LRRC4C: variants seen among roughly 807,000 people sequenced by gnomAD.
LRRC4C encodes leucine rich repeat containing 4C, also known as leucine-rich repeat-containing protein 4C.
Under a neutral mutation model 33.6 loss-of-function variants are expected in LRRC4C, and 5 were observed. The ratio of observed to expected loss-of-function variants is 0.15; its 90% CI spans 0.08 to 0.31. The LOEUF (loss-of-function observed/expected upper bound fraction) is 0.31. Among genes scored for constraint, LRRC4C ranks in the 10% least tolerant of loss-of-function variants. The probability of loss-of-function intolerance (pLI) is 1.00; values close to 1 mark genes in which losing one functional copy is unlikely to be tolerated. For missense variants in LRRC4C, 560 were observed against 796.7 expected (o/e 0.70, Z 3.58); for synonymous variants, 329 against 302.0 (o/e 1.09, Z -0.93).
chr11:41,350,870 A>G (rs1158398624), intron 1 of LRRC4C, among the ~76,000 whole-genome samples: 1 of 152,232 alleles, frequency 6.6e-6, no homozygotes, highest in African/African-American at 2.4e-5. Context: ...AGAATAGACC[A>G]AGCTGAGCAA....
chr11:40,266,755 T>C (rs1942290522), intron 4 of LRRC4C, among the ~76,000 whole-genome samples: 1 of 152,156 alleles, frequency 6.6e-6, no homozygotes, highest in African/African-American at 2.4e-5. Context: ...GTAAGAAAAC[T>C]GATGAAGGAA....
chr11:40,504,897 A>C (rs1215319446), intron 3 of LRRC4C, among the ~76,000 whole-genome samples: 1 of 152,166 alleles, frequency 6.6e-6, no homozygotes, highest in East Asian at 1.9e-4. Context: ...AAACCACGTA[A>C]ACAGTACTAG....
At chr11:40,717,536 A>G (rs1239880159) in intron 2 of LRRC4C, among the ~76,000 whole-genome samples, 1 of 152,044 alleles carries the variant, frequency 6.6e-6, no homozygotes, top group African/African-American at 2.4e-5. Context: ...CCTGTTTTAG[A>G]GGGTTGAAAA....
chr11:40,801,959 C>T lies in LRRC4C; in HGVS notation c.-407+131676G>A, dbSNP rs927463492. Among the ~76,000 whole-genome samples, 10 of 152,262 alleles carry T rather than the reference C, an allele frequency of 6.6e-5. No individual in the cohort carries two copies. The East Asian group carries it at 7.7e-4, about 12-fold the overall frequency. On this transcript the variant is annotated intron_variant, in intron 2 of 6. Transcript: ENST00000528697. ...CTTCACATGGAGAAAAATGCATTTT[C>T]GGTACATCATTTACTGCAGGGAGGA... is the stretch of plus-strand genomic sequence containing the variant.
intron 2 of LRRC4C, among the ~76,000 whole-genome samples, chr11:40,902,266 G>A (rs906531068): frequency 6.6e-6 from 1 of 151,948 alleles, no homozygotes; most frequent in Admixed American, 6.6e-5. Context: ...GATATTTAAT[G>A]TTACTGTTGT....
chr11:40,440,421 A>T (rs115662522), intron 3 of LRRC4C, among the ~76,000 whole-genome samples: 2,165 of 151,986 alleles, frequency 0.014, 44 homozygotes, highest in African/African-American at 0.049. Flanking sequence ...AAATATATTT[A>T]AAGTAGAATA....
chr11:40,719,461 G>C (rs1301416654), intron 2 of LRRC4C, among the ~76,000 whole-genome samples: 1 of 152,112 alleles, frequency 6.6e-6, no homozygotes, highest in Non-Finnish European at 1.5e-5. Context: ...AGATCTCGGA[G>C]TCATAGCTAA....
At chr11:40,715,237 G>A (rs1338755257) in intron 2 of LRRC4C, among the ~76,000 whole-genome samples, 1 of 152,182 alleles carries the variant, frequency 6.6e-6, no homozygotes, top group East Asian at 1.9e-4. Context: ...AGAAAAGTGA[G>A]CAAAGATGTT....
intron 3 of LRRC4C, among the ~76,000 whole-genome samples, chr11:40,392,332 A>G (rs1005662304): frequency 1.3e-5 from 2 of 152,170 alleles, no homozygotes; most frequent in African/African-American, 4.8e-5. Flanking sequence ...TTAATGTATC[A>G]ATATTGGTTT....
At chr11:40,924,832 T>A (rs556147625) in intron 2 of LRRC4C, among the ~76,000 whole-genome samples, 21 of 152,054 alleles carry the variant, frequency 1.4e-4, no homozygotes, top group Non-Finnish European at 2.6e-4. Context: ...TAAGAAAATA[T>A]AGATGAGAAA....
rs189189547 is a variant in LRRC4C at position 40,496,416 on chromosome 11, T to A, written c.-270+151726A>T. Among the ~76,000 whole-genome samples, 159 of 152,322 alleles carry A rather than the reference T, an allele frequency of 1.0e-3. 1 individual carries two copies. Among genetic ancestry groups the A allele is most frequent in the African/African-American group, 3.6e-3 (151 of 41,568 alleles). On this transcript the variant is annotated intron_variant, in intron 3 of 6. Coordinates refer to ENST00000528697, the MANE Select transcript of LRRC4C (RefSeq NM_001258419.2). ...ATTACCACAATCAAACCAATTAACA[T>A]ATCCATTGCCTCAGGTAGTTTATTT...
intron 1 of LRRC4C, among the ~76,000 whole-genome samples, chr11:41,124,454 T>C (rs1942637132): frequency 6.6e-6 from 1 of 152,222 alleles, no homozygotes; most frequent in Admixed American, 6.5e-5. Flanking sequence ...TAGGGAACTG[T>C]CTTTTCTTCG....
At chr11:40,298,462 T>C (rs1944618872) in intron 4 of LRRC4C, among the ~76,000 whole-genome samples, 1 of 150,412 alleles carries the variant, frequency 6.6e-6, no homozygotes, top group Non-Finnish European at 1.5e-5. Context: ...CTCTCTCTTC[T>C]TCAGCTTGGA....
intron 3 of LRRC4C, among the ~76,000 whole-genome samples, chr11:40,511,888 G>C (rs1955333081): frequency 6.6e-6 from 1 of 152,138 alleles, no homozygotes; most frequent in Admixed American, 6.5e-5. Flanking sequence ...ACACACAAAA[G>C]TGACTATTGT....
intron 4 of LRRC4C, among the ~76,000 whole-genome samples, chr11:40,276,674 AGTGT>A (rs56155922): frequency 0.25 from 31,755 of 127,410 alleles, 3,302 homozygotes; most frequent in Middle Eastern, 0.37. Flanking sequence ...GTGGGAAACA[AGTGT>A]GTGTGTGTGT....
chr11:40,331,227 T>G (rs1488063570), intron 3 of LRRC4C, among the ~76,000 whole-genome samples: 1 of 152,122 alleles, frequency 6.6e-6, no homozygotes. Context: ...TGGAGGTTTC[T>G]CCAAAAGCTA....
At chr11:40,212,327 C>T (rs1184704032) in intron 5 of LRRC4C, among the ~76,000 whole-genome samples, 1 of 152,072 alleles carries the variant, frequency 6.6e-6, no homozygotes, top group Non-Finnish European at 1.5e-5. Flanking sequence ...CACAGTGGCT[C>T]TGAAAAACAA....
intron 3 of LRRC4C, among the ~76,000 whole-genome samples, chr11:40,625,211 T>A (rs2135976045): frequency 6.6e-6 from 1 of 152,300 alleles, no homozygotes; most frequent in Non-Finnish European, 1.5e-5. Context: ...ACTGTTATAC[T>A]CTATTCAGTT....
chr11:40,379,597 GAAA>G (rs1261065397), intron 3 of LRRC4C, among the ~76,000 whole-genome samples: 2 of 152,112 alleles, frequency 1.3e-5, no homozygotes, highest in Non-Finnish European at 2.9e-5. Context: ...TATTGGAGAA[GAAA>G]AAAACCTGAG....
Sources: gnomAD v4.1 joint callset for allele counts (sites outside exome capture counted in the v4.1 genomes callset) on GRCh38, gnomAD v4.1.1 for gene constraint, MANE v1.5 for transcripts, NCBI Gene and HGNC (gene_info 2026-07-23, HGNC 2026-07-21) for gene names.